TNKS2: variants seen among roughly 807,000 people sequenced by gnomAD.
TNKS2 encodes the protein tankyrase 2, also known as poly [ADP-ribose] polymerase tankyrase-2.
In TNKS2, 72 loss-of-function variants were observed where a neutral mutation model predicts 137.6. The ratio of observed to expected loss-of-function variants is 0.52; its 90% confidence interval spans 0.43 to 0.64. TNKS2 has a LOEUF of 0.64. TNKS2 is among the 30% of genes least tolerant of loss of function. TNKS2 has a pLI of 0.00. For missense variants in TNKS2, 1,049 were observed against 1,410.2 expected (o/e 0.74, Z 4.10); for synonymous variants, 516 against 512.1 (o/e 1.01, Z -0.10).
chr10:91,808,872 T>C (rs1289154697), intron 1 of TNKS2, among the ~76,000 whole-genome samples: 3 of 152,144 alleles, frequency 2.0e-5, no homozygotes, highest in African/African-American at 4.8e-5. Flanking sequence ...CAGTGAGATA[T>C]GACATGTCTA....
intron 1 of TNKS2, among the ~76,000 whole-genome samples, chr10:91,802,086 C>T (rs1844189759): frequency 6.6e-6 from 1 of 152,150 alleles, no homozygotes; most frequent in African/African-American, 2.4e-5. Flanking sequence ...CCTAGCTAAA[C>T]AAGGTAACAC....
At chr10:91,807,049 T>G (rs1844344656) in intron 1 of TNKS2, 2 of 1,143,308 alleles carry the variant, frequency 1.7e-6, no homozygotes, top group Non-Finnish European at 2.5e-6. Flanking sequence ...AAAAGAAAAT[T>G]ACAAAAAATG....
At chr10:91,859,421 A>G in intron 24 of TNKS2, 41 bp from the exon 25 acceptor site, 1 of 1,387,126 alleles carries the variant, frequency 7.2e-7, no homozygotes, top group African/African-American at 1.5e-5. Flanking sequence ...TTATTCTAAG[A>G]TAAATTTTAA....
Position 91,841,286 on chromosome 10 carries a change from C to G in TNKS2, c.1677C>G (p.Gly559=), listed in dbSNP as rs1004990942. ...TTGTTCATTTATTACTTTTCAGAGG[C>G]CTTGTACCTTTGCACAATGCATGTT... ...GADVHAKDKG[G]LVPLHNACSY... Residue 559 remains glycine (G), a synonymous_variant, in exon 15 of 27, where the codon GGC becomes GGG. Transcript: ENST00000371627. The G allele has an allele frequency of 6.4e-7, 1 of 1,557,762 alleles. No homozygotes were observed. Among genetic ancestry groups the G allele is most frequent in the East Asian group, 2.3e-5 (1 of 42,670 alleles).
intron 24 of TNKS2, among the ~76,000 whole-genome samples, chr10:91,859,033 T>C (rs1719334094): frequency 6.6e-6 from 1 of 151,780 alleles, no homozygotes. Flanking sequence ...AAAAAAAGAA[T>C]GTGAAAGTCT....
At chr10:91,857,337 A>G (rs1023718456) in intron 23 of TNKS2, 88 bp from the exon 24 acceptor site, 2 of 760,262 alleles carry the variant, frequency 2.6e-6, no homozygotes, top group African/African-American at 1.8e-5. Flanking sequence ...CCTACCTTCT[A>G]GCTAAATGTA....
At chr10:91,825,852 G>A (rs771269974) in intron 7 of TNKS2, among the ~76,000 whole-genome samples, 1 of 152,248 alleles carries the variant, frequency 6.6e-6, no homozygotes, top group Admixed American at 6.5e-5. Flanking sequence ...CCACGTAGCA[G>A]TGGAACTCAA....
intron 20 of TNKS2, 36 bp from the exon 21 acceptor site, chr10:91,851,176 ATAAG>A (rs756255226): frequency 8.1e-6 from 13 of 1,606,760 alleles, no homozygotes; most frequent in Non-Finnish European, 1.1e-5. Flanking sequence ...TGTCCACCAA[ATAAG>A]TAAGCATTCT....
rs1444534602 is a variant in TNKS2 at position 91,842,390 on chromosome 10, A to G, written c.2058A>G (p.Ala686=). The G allele has an allele frequency of 1.9e-6, 3 of 1,613,600 alleles. No individual in the cohort carries two copies. The highest frequency in any genetic ancestry group is 2.5e-6 in the Non-Finnish European group (3 of 1,179,580). The change falls in exon 16 of 27, where the codon GCA becomes GCG. Residue 686 remains alanine (A), a splice_region_variant and synonymous_variant. Transcript: ENST00000371627. ...GACATTCAACACCTTTACATTTAGC[A>G]GGTAAGTGAATGAAGTTTCACAGAT... ...QGRHSTPLHL[A]AGYNNLEVAE...
chr10:91,855,812 A>G lies in TNKS2; in HGVS notation c.2988+124A>G, dbSNP rs528665012. On this transcript the variant is annotated intron_variant, in intron 23 of 26. Coordinates refer to ENST00000371627, the MANE Select transcript of TNKS2 (RefSeq NM_025235.4). ...AGTCCTTGACTTGGCATCAGAGACT[A>G]TTTTGGGAAAGAGGATACCCTTGGA... The G allele has an allele frequency of 8.6e-5, 51 of 593,470 alleles. No individual in the cohort carries two copies. In the South Asian group the frequency reaches 1.2e-3, roughly 13 times the overall value. The allele number at this position is 593,470 out of a possible 1,614,324, so 36.8% of individuals were successfully genotyped here. A position where few individuals can be genotyped will look rare whatever the true frequency, so the allele number is the denominator to read the frequency against.
intron 1 of TNKS2, among the ~76,000 whole-genome samples, chr10:91,804,625 A>G (rs561013397): frequency 6.5e-4 from 99 of 152,366 alleles, no homozygotes; most frequent in African/African-American, 2.3e-3. Flanking sequence ...GAACATGATC[A>G]GAATATACCC....
chr10:91,855,058 T>C lies in TNKS2; in HGVS notation c.2845T>C (p.Ser949Pro). Reference sequence around the variant, plus strand: ...TAACCCATATTTAACTTTGAACACCTCTGGTAGTGGAACAATTCTTATAGA... The same window carrying C: ...TAACCCATATTTAACTTTGAACACCCCTGGTAGTGGAACAATTCTTATAGA... ...GLNPYLTLNT[S>P]GSGTILIDLS... is the part of the protein sequence containing the mutation. Residue 949 changes from serine (S) to proline (P), a missense_variant, in exon 22 of 27, where the codon TCT becomes CCT. By Grantham distance (74) the Ser-to-Pro change is moderately conservative. Coordinates refer to ENST00000371627, the MANE Select transcript of TNKS2 (RefSeq NM_025235.4). 1 of 1,611,074 alleles carries C rather than the reference T, an allele frequency of 6.2e-7. No homozygotes were observed. The highest frequency in any genetic ancestry group is 8.5e-7 in the Non-Finnish European group (1 of 1,177,658).
At chr10:91,848,747 T>C (rs1842457367) in intron 19 of TNKS2, 112 bp downstream of exon 19, 2 of 1,241,228 alleles carry the variant, frequency 1.6e-6, no homozygotes, top group Admixed American at 4.5e-5. Context: ...AGTATAAAAT[T>C]AGTTAACATA....
chr10:91,801,495 A>G lies in TNKS2; in HGVS notation c.199+2606A>G, dbSNP rs1844166385. Among the ~76,000 whole-genome samples, 3 of 149,100 alleles carry G rather than the reference A, an allele frequency of 2.0e-5. 1 individual carries two copies. The highest frequency in any genetic ancestry group is 2.1e-4 in the South Asian group (1 of 4,716). On this transcript the variant is annotated intron_variant, in intron 1 of 26. Coordinates refer to ENST00000371627, the MANE Select transcript of TNKS2 (RefSeq NM_025235.4). ...AGGAATTTTTCTTTTTTTTTTTGAG[A>G]TGGAGTCTAGTTCTGTCTCCCAGGC...
At chr10:91,813,268 A>G in intron 2 of TNKS2, 61 bp downstream of exon 2, 1 of 1,350,918 alleles carries the variant, frequency 7.4e-7, no homozygotes, top group Non-Finnish European at 1.0e-6. Flanking sequence ...TCTGAACTGA[A>G]TTAATCTGTT....
At chr10:91,821,787 G>A (rs1192073790) in intron 6 of TNKS2, among the ~76,000 whole-genome samples, 1 of 152,142 alleles carries the variant, frequency 6.6e-6, no homozygotes, top group Non-Finnish European at 1.5e-5. Flanking sequence ...TATACCCAGG[G>A]AACAGTATGT....
At chr10:91,816,018 C>T (rs563025278) in intron 2 of TNKS2, among the ~76,000 whole-genome samples, 206 of 145,136 alleles carry the variant, frequency 1.4e-3, no homozygotes, top group African/African-American at 5.0e-3. Flanking sequence ...GCGTGATCTC[C>T]GCTCACTGCA....
chr10:91,825,004 T>C (rs1256168128), intron 7 of TNKS2, among the ~76,000 whole-genome samples: 1 of 152,186 alleles, frequency 6.6e-6, no homozygotes, highest in African/African-American at 2.4e-5. Context: ...GCAAGCAATA[T>C]AATCATGGAT....
intron 1 of TNKS2, among the ~76,000 whole-genome samples, chr10:91,801,603 A>T (rs1844172773): frequency 6.6e-6 from 1 of 151,972 alleles, no homozygotes; most frequent in Non-Finnish European, 1.5e-5. Context: ...CCTCCTAAGT[A>T]GCTGGGATTA....
Sources: gnomAD v4.1 joint callset for allele counts (sites outside exome capture counted in the v4.1 genomes callset) on GRCh38, gnomAD v4.1.1 for gene constraint, MANE v1.5 for transcripts, NCBI Gene and HGNC (gene_info 2026-07-23, HGNC 2026-07-21) for gene names.